The following INTS6 variants were observed in gnomAD, a reference collection of about 807,000 sequenced individuals.
INTS6 encodes the protein integrator complex subunit 6, also known as DEAD box protein.
A neutral mutation model predicts 104.9 loss-of-function variants in INTS6; 16 were observed. The ratio of observed to expected loss-of-function variants is 0.15; its 90% CI spans 0.10 to 0.23. The LOEUF (loss-of-function observed/expected upper bound fraction) is 0.23, where lower values mean the gene tolerates loss of function less well. Among genes scored for constraint, INTS6 ranks in the 10% least tolerant of loss-of-function variants. INTS6 has a pLI of 1.00. For synonymous variants in INTS6, 324 were observed against 358.7 expected (o/e 0.90, Z 1.09); for missense variants, 584 against 1,062.8 (o/e 0.55, Z 6.26).
At chr13:51,360,616 CAT>C (rs1382305008), downstream of INTS6, among the ~76,000 whole-genome samples, 1 of 152,042 alleles carries the variant, frequency 6.6e-6, no homozygotes, top group Non-Finnish European at 1.5e-5. Context: ...ACTGTTAGCA[CAT>C]AGAACATTTA....
intron 4 of INTS6, among the ~76,000 whole-genome samples, chr13:51,397,629 A>G (rs77664804): frequency 2.0e-5 from 3 of 152,182 alleles, no homozygotes; most frequent in African/African-American, 7.2e-5. Flanking sequence ...CCTTTAAACC[A>G]CCTTTAAAGT....
At chr13:51,446,428 A>G (rs1330081582) in intron 3 of INTS6, 1 of 152,228 alleles carries the variant, frequency 6.6e-6, no homozygotes, top group African/African-American at 2.4e-5. Context: ...AGATATAAAG[A>G]AAGTGTAACC....
intron 4 of INTS6, among the ~76,000 whole-genome samples, chr13:51,429,781 A>T (rs1209183502): frequency 6.3e-5 from 8 of 126,180 alleles, no homozygotes; most frequent in African/African-American, 2.0e-4. Context: ...AAAAAAAAAA[A>T]AAAAATATAT....
intron 10 of INTS6, among the ~76,000 whole-genome samples, chr13:51,381,240 C>T (rs1956044596): frequency 6.6e-6 from 1 of 152,080 alleles, no homozygotes; most frequent in Non-Finnish European, 1.5e-5. Context: ...GGAGCCAATC[C>T]CTCACAGATA....
intron 3 of INTS6, chr13:51,441,926 C>G (rs1952805764): frequency 6.6e-6 from 1 of 150,674 alleles, no homozygotes; most frequent in South Asian, 2.1e-4. Flanking sequence ...GTTCAAGTGA[C>G]TCTCCTGCCT....
intron 5 of INTS6, among the ~76,000 whole-genome samples, chr13:51,393,406 T>C (rs909558639): frequency 3.9e-5 from 6 of 152,168 alleles, no homozygotes; most frequent in African/African-American, 1.4e-4. Flanking sequence ...TGCACAGGAA[T>C]TGTTAGCAGT....
chr13:51,395,561 G>T (rs561078130), intron 4 of INTS6, 78 bp from the exon 5 acceptor site: 1 of 1,231,594 alleles, frequency 8.1e-7, no homozygotes, highest in Non-Finnish European at 1.1e-6. Context: ...TTACACTTAC[G>T]TTAGAACTGC....
the INTS6 span, among the ~76,000 whole-genome samples, chr13:51,338,123 T>C: frequency 6.6e-6 from 1 of 152,336 alleles, no homozygotes; most frequent in Admixed American, 6.5e-5. Flanking sequence ...GAAATGTTTG[T>C]AGAAGTTACA....
At chr13:51,347,211 A>G in the INTS6 span, 7 of 1,613,842 alleles carry the variant, frequency 4.3e-6, no homozygotes, top group Non-Finnish European at 5.9e-6. Context: ...CCCATGATGC[A>G]CCAAACGACC....
chr13:51,434,012 T>A (rs1409274130), intron 3 of INTS6, among the ~76,000 whole-genome samples: 1 of 152,220 alleles, frequency 6.6e-6, no homozygotes, highest in African/African-American at 2.4e-5. Flanking sequence ...AATTCTAAAA[T>A]CCACATGGTC....
chr13:51,441,713 A>G (rs1230010583), intron 3 of INTS6: 1 of 152,248 alleles, frequency 6.6e-6, no homozygotes, highest in Non-Finnish European at 1.5e-5. Flanking sequence ...CACAAAACCA[A>G]AAAGTGCCAT....
Position 51,364,491 on chromosome 13 carries a change from T to G in INTS6, c.*1261A>C. The G allele has an allele frequency of 2.2e-6, 1 of 459,876 alleles. No homozygotes were observed. Among genetic ancestry groups the G allele is most frequent in the Non-Finnish European group, 3.8e-6 (1 of 260,608 alleles). The allele number at this position is 459,876 out of a possible 1,614,324, so 28.5% of individuals were successfully genotyped here. A position where few individuals can be genotyped will look rare whatever the true frequency, so the allele number is the denominator to read the frequency against. On this transcript the variant is annotated 3_prime_UTR_variant, in exon 18 of 18. Coordinates refer to ENST00000311234, the MANE Select transcript of INTS6 (RefSeq NM_012141.3). ...AATCCAAATCTATTTTGACCTTCTTTTCTACTGCTTACCCCCCAAACCACT... is the reference window on the plus strand; with the variant it reads ...AATCCAAATCTATTTTGACCTTCTTGTCTACTGCTTACCCCCCAAACCACT...
At chr13:51,351,955 CTAAGTT>C (rs144973024), downstream of INTS6, among the ~76,000 whole-genome samples, 1,324 of 152,164 alleles carry the variant, frequency 8.7e-3, 21 homozygotes, top group African/African-American at 0.029. Flanking sequence ...CCATAAATGT[CTAAGTT>C]TATTTCTGGA....
At chr13:51,451,866 G>T (rs1434896472) in intron 2 of INTS6, 112 bp downstream of exon 2, 18 of 643,632 alleles carry the variant, frequency 2.8e-5, no homozygotes, top group Non-Finnish European at 4.3e-5. Flanking sequence ...GGCTGGGAGC[G>T]CAGCGGGTGG....
At chr13:51,433,084 A>C (rs567024343) in intron 3 of INTS6, among the ~76,000 whole-genome samples, 1 of 152,316 alleles carries the variant, frequency 6.6e-6, no homozygotes, top group East Asian at 1.9e-4. Flanking sequence ...AAAGCTCTAA[A>C]AGCCACCACA....
At chr13:51,348,753 C>T in the INTS6 span, 117 of 259,384 alleles carry the variant, frequency 4.5e-4, no homozygotes, top group Admixed American at 1.7e-3. Context: ...CTCGTGGTTC[C>T]CTTGTAGGAA....
chr13:51,347,792 A>G, the INTS6 span, among the ~76,000 whole-genome samples: 1 of 152,146 alleles, frequency 6.6e-6, no homozygotes, highest in Non-Finnish European at 1.5e-5. Flanking sequence ...TGTCTACAGT[A>G]TGCCCGTTGG....
chr13:51,449,368 A>G, intron 3 of INTS6: 1 of 675,476 alleles, frequency 1.5e-6, no homozygotes, highest in Non-Finnish European at 1.8e-6. Context: ...AGCCTTATAG[A>G]CAAGAACTAA....
chr13:51,379,153 A>G (rs1391351929), intron 11 of INTS6, among the ~76,000 whole-genome samples: 1 of 151,566 alleles, frequency 6.6e-6, no homozygotes, highest in Non-Finnish European at 1.5e-5. Context: ...TTTCTTTTTT[A>G]AGGAAAAATG....
Sources: gnomAD v4.1 joint callset for allele counts (sites outside exome capture counted in the v4.1 genomes callset) on GRCh38, gnomAD v4.1.1 for gene constraint, MANE v1.5 for transcripts, NCBI Gene and HGNC (gene_info 2026-07-23, HGNC 2026-07-21) for gene names.